The following BRD4 variants were observed in gnomAD, a reference collection of about 807,000 sequenced individuals.
BRD4 encodes the protein bromodomain containing 4.
BRD4 carries 16 observed loss-of-function variants against 142.1 expected under a neutral mutation model. That is an observed-to-expected ratio of 0.11 (90% CI 0.08 to 0.17). The LOEUF is 0.17. Among genes scored for constraint, BRD4 ranks in the 10% least tolerant of loss-of-function variants. The probability of loss-of-function intolerance (pLI) is 1.00; values close to 1 mark genes in which losing one functional copy is unlikely to be tolerated. For missense variants in BRD4, 1,424 were observed against 1,810.9 expected (o/e 0.79, Z 3.88); for synonymous variants, 833 against 707.5 (o/e 1.18, Z -2.82).
chr19:15,255,149 T>G (rs901618833), intron 10 of BRD4, 148 bp downstream of exon 10: 4 of 799,210 alleles, frequency 5.0e-6, no homozygotes, highest in South Asian at 1.9e-5. Context: ...GTCACAACCT[T>G]TCGGAGGTTT....
Position 15,263,533 on chromosome 19 carries a change from G to C in BRD4, c.1228C>G (p.Arg410Gly). 1.2e-6 allele frequency: 2 copies of C among 1,614,186 alleles called. No individual in the cohort carries two copies. Among genetic ancestry groups the C allele is most frequent in the Non-Finnish European group, 1.7e-6 (2 of 1,180,032 alleles). ...AACTCCTGAGCATCACGGTACTCAC[G>C]GGCCTCCAGTTTAGACTGGAAAACA... ...MSTIKSKLEA[R>G]EYRDAQEFGA... The change falls in exon 7 of 20, where the codon CGT (arginine) becomes GGT (glycine). Residue 410 changes from arginine to glycine, a missense_variant. Transcript: ENST00000679869.
In BRD4 at chr19:15,244,552, G is replaced by A. The variant is rs1224057402; in HGVS notation, c.2260C>T (p.Pro754Ser). Residue 754 changes from proline (P) to serine (S), a missense_variant, in exon 13 of 20, where the codon CCC (proline) becomes TCC (serine). By Grantham distance (74) the Pro-to-Ser change is moderately conservative. This residue lies in a region of BRD4 where 598 missense variants were observed against 647.8 expected (regional missense o/e 0.92). Transcript: ENST00000679869. ...TGGGGAGGCGGGGGCGGCTGCTGGGGCACAGGAGCCGGGGCCTGCTGCATC... is the reference window on the plus strand; with the variant it reads ...TGGGGAGGCGGGGGCGGCTGCTGGGACACAGGAGCCGGGGCCTGCTGCATC... ...QQMQQAPAPV[P>S]QQPPPPPQQP... is the part of the protein sequence containing the mutation. 1 of 1,599,948 alleles carries A rather than the reference G, an allele frequency of 6.3e-7. No homozygotes were observed. Among genetic ancestry groups the A allele is most frequent in the Non-Finnish European group, 8.5e-7 (1 of 1,178,554 alleles).
At chr19:15,262,304 C>T (rs1022465693) in intron 7 of BRD4, among the ~76,000 whole-genome samples, 1 of 152,202 alleles carries the variant, frequency 6.6e-6, no homozygotes, top group African/African-American at 2.4e-5. Flanking sequence ...ACAATGAGCA[C>T]ATCAGCACCT....
At chr19:15,265,744 C>T (rs576550822) in intron 4 of BRD4, 101 bp from the exon 5 acceptor site, 183 of 1,286,774 alleles carry the variant, frequency 1.4e-4, no homozygotes, top group African/African-American at 9.4e-4. Context: ...CGCACATTCG[C>T]GTGTTGCATT....
rs1328820684 is a variant in BRD4, at chr19:15,273,013, T to A, written c.87A>T (p.Thr29=). The stretch of plus-strand genomic sequence containing the variant: ...CTGGCTGGGGTTGGGCCTGGGCCTG[T>A]GTTGTAGACATTTGGGAAGTTTCTA... ...DGLETSQMST[T]QAQAQPQPAN... The change falls in exon 2 of 20, where the codon ACA becomes ACT. Residue 29 remains threonine (T), a synonymous_variant. Coordinates refer to ENST00000679869, the MANE Select transcript of BRD4 (RefSeq NM_001379291.1). 1 of 1,614,108 alleles carries A rather than the reference T, an allele frequency of 6.2e-7. No individual in the cohort carries two copies. Among genetic ancestry groups the A allele is most frequent in the South Asian group, 1.1e-5 (1 of 91,070 alleles).
intron 1 of BRD4, among the ~76,000 whole-genome samples, chr19:15,289,693 A>C (rs188324567): frequency 4.3e-4 from 65 of 152,230 alleles, no homozygotes; most frequent in Admixed American, 4.2e-3. Flanking sequence ...AAAAAGCCAA[A>C]ACAGCAGTTA....
chr19:15,276,150 A>G (rs947684447), intron 1 of BRD4, among the ~76,000 whole-genome samples: 1 of 152,186 alleles, frequency 6.6e-6, no homozygotes, highest in Non-Finnish European at 1.5e-5. Context: ...CAGCCTTCCC[A>G]TGACTACAGG....
intron 1 of BRD4, among the ~76,000 whole-genome samples, chr19:15,295,584 A>G (rs1270749935): frequency 6.6e-6 from 1 of 152,112 alleles, no homozygotes; most frequent in Non-Finnish European, 1.5e-5. Context: ...TATTCTTACT[A>G]CTCTTTTTCA....
chr19:15,327,650 G>A (rs976521653), intron 1 of BRD4, among the ~76,000 whole-genome samples: 5 of 152,086 alleles, frequency 3.3e-5, no homozygotes, highest in African/African-American at 1.2e-4. Flanking sequence ...TAATGAATGG[G>A]TAAACAAAAT....
chr19:15,308,155 GGGGGGGGGGT>G (rs2047932212), intron 1 of BRD4, among the ~76,000 whole-genome samples: 4 of 45,278 alleles, frequency 8.8e-5, no homozygotes, highest in African/African-American at 2.4e-4. Flanking sequence ...GCCGGGGGGG[GGGGGGGGGGT>G]GGGTCGCGTA....
At chr19:15,277,039 A>G (rs1320931885) in intron 1 of BRD4, among the ~76,000 whole-genome samples, 6 of 152,180 alleles carry the variant, frequency 3.9e-5, no homozygotes, top group Non-Finnish European at 7.4e-5. Context: ...CCTGGCATAG[A>G]TAACAGGAGA....
At position 15,307,757 on chromosome 19, in the gene BRD4, G is replaced by A. The variant is rs866941749; in HGVS notation, c.-35+24533C>T. On this transcript the variant is annotated intron_variant, in intron 1 of 19. Transcript: ENST00000679869. ...GGTGCCAATCAGGTGGCCGCACTAC[G>A]TTTGGCATCAGTGTGGTGACCTCCA... is the stretch of plus-strand genomic sequence containing the variant. 5.9e-5 allele frequency among the ~76,000 whole-genome samples: 9 copies of A among 152,242 alleles called. No individual in the cohort carries two copies. The Middle Eastern group carries it at 0.014, about 230-fold the overall frequency.
chr19:15,265,504 G>T lies in BRD4; in HGVS notation c.699C>A (p.Ile233=), dbSNP rs141035305. The T allele has an allele frequency of 6.2e-7, 1 of 1,613,492 alleles. No individual in the cohort carries two copies. Among genetic ancestry groups the T allele is most frequent in the African/African-American group, 1.3e-5 (1 of 74,870 alleles). Residue 233 remains isoleucine (I), a synonymous_variant, in exon 5 of 20, where the codon ATC becomes ATA. Coordinates refer to ENST00000679869, the MANE Select transcript of BRD4 (RefSeq NM_001379291.1). Reference sequence around the variant, plus strand: ...CCACTGTCATGACAGGGGTCTGGACGATGAGGTCCGGGGTGACGGCAGGGA... The same window carrying T: ...CCACTGTCATGACAGGGGTCTGGACTATGAGGTCCGGGGTGACGGCAGGGA... The part of the protein sequence containing the change: ...HPFPAVTPDL[I]VQTPVMTVVP...
intron 1 of BRD4, among the ~76,000 whole-genome samples, chr19:15,321,603 C>T (rs923401346): frequency 6.6e-6 from 1 of 152,024 alleles, no homozygotes; most frequent in African/African-American, 2.4e-5. Flanking sequence ...TTGTGGAGCC[C>T]TTAGATTCAA....
intron 7 of BRD4, among the ~76,000 whole-genome samples, chr19:15,258,040 T>C (rs1198109784): frequency 1.3e-5 from 2 of 152,202 alleles, no homozygotes; most frequent in Non-Finnish European, 2.9e-5. Context: ...AATCCAGTGA[T>C]GGCTCAAGAC....
chr19:15,247,568 G>A (rs979155899), intron 11 of BRD4: 25 of 232,718 alleles, frequency 1.1e-4, no homozygotes, highest in Admixed American at 5.1e-4. Context: ...GTGTGTGCGC[G>A]TGCGTGCGTG....
rs911771138 is a variant in BRD4, at chr19:15,288,882, G to A, written c.-34-15749C>T. On this transcript the variant is annotated intron_variant, in intron 1 of 19. Coordinates refer to ENST00000679869, the MANE Select transcript of BRD4 (RefSeq NM_001379291.1). ...AGGGGAGGGAAAGTTCAGAGGAGCAGGCACCGACTCCTCAGGCTTCCACAG... is the reference window on the plus strand; with the variant it reads ...AGGGGAGGGAAAGTTCAGAGGAGCAAGCACCGACTCCTCAGGCTTCCACAG... Among the ~76,000 whole-genome samples the A allele has an allele frequency of 2.6e-5, 4 of 152,158 alleles. No individual in the cohort carries two copies. In the East Asian group the frequency reaches 7.7e-4, roughly 29 times the overall value.
rs1188922346 is a variant in BRD4 at position 15,244,421 on chromosome 19, G to A, written c.2391C>T (p.Pro797=). 1.9e-6 allele frequency: 3 copies of A among 1,592,028 alleles called. No individual in the cohort carries two copies. The highest frequency in any genetic ancestry group is 3.5e-5 in the Admixed American group (2 of 57,964). ...GCACCTGGGTGGCAATGAAGGGTGG[G>A]GGCGAGGACTTCATCGCCGGGGCTG... The part of the protein sequence containing the change: ...QQAAPAMKSS[P]PPFIATQVPV... The change falls in exon 13 of 20, where the codon CCC becomes CCT. Residue 797 remains proline, a synonymous_variant. Transcript: ENST00000679869.
At chr19:15,331,352 A>C (rs929189425) in intron 1 of BRD4, among the ~76,000 whole-genome samples, 1 of 152,106 alleles carries the variant, frequency 6.6e-6, no homozygotes, top group African/African-American at 2.4e-5. Flanking sequence ...GTTTGGGAGG[A>C]GGGGGATCAT....
Sources: allele counts gnomAD v4.1 joint callset (sites outside exome capture counted in the v4.1 genomes callset), GRCh38; gene constraint gnomAD v4.1.1; regional missense constraint gnomAD v4.1.1; transcripts MANE v1.5; gene names NCBI Gene and HGNC (gene_info 2026-07-23, HGNC 2026-07-21).